The following LRP1B variants were observed in gnomAD, a reference collection of about 807,000 sequenced individuals.
The protein encoded by LRP1B is LDL receptor related protein 1B.
A neutral mutation model predicts 556.6 loss-of-function variants in LRP1B; 217 were observed. The observed-to-expected ratio is 0.39, with a 90% CI of 0.35 to 0.44. The LOEUF is 0.44. Among genes scored for constraint, LRP1B ranks in the 20% least tolerant of loss-of-function variants. LRP1B has a pLI of 1.00. For missense variants in LRP1B, 5,053 were observed against 5,620.8 expected (o/e 0.90, Z 3.23); for synonymous variants, 2,047 against 1,865.8 (o/e 1.10, Z -2.50).
chr2:140,465,150 G>C (rs769145570), intron 60 of LRP1B, among the ~76,000 whole-genome samples: 3 of 152,064 alleles, frequency 2.0e-5, no homozygotes, highest in Non-Finnish European at 4.4e-5. Context: ...GGAAGAAGGG[G>C]GACCAGACAC....
At chr2:140,843,122 G>GT (rs1208970330) in intron 29 of LRP1B, among the ~76,000 whole-genome samples, 1 of 104,010 alleles carries the variant, frequency 9.6e-6, no homozygotes, top group Non-Finnish European at 1.8e-5. Context: ...GTGGTGGGGG[G>GT]TGAGGGGTAA....
In LRP1B at chr2:140,373,090, A is replaced by T. The variant is rs142088127; in HGVS notation, c.10686T>A (p.Asn3562Lys). Residue 3562 changes from asparagine (N) to lysine (K), a missense_variant, in exon 69 of 91, where the codon AAT (asparagine) becomes AAA (lysine). Asn to Lys is a moderately conservative substitution (Grantham distance 94). Coordinates refer to ENST00000389484, the MANE Select transcript of LRP1B (RefSeq NM_018557.3). The part of the protein sequence containing the change: ...SCSKDQFRCS[N>K]GQCIPAKWKC... ...TCCATTTTGCTGGTATACACTGACC[A>T]TTGGAACACCGGAACTGATCTTTGG... 50 of 1,613,198 alleles carry T rather than the reference A, an allele frequency of 3.1e-5. 1 individual carries two copies. The African/African-American group carries it at 5.7e-4, about 19-fold the overall frequency.
intron 43 of LRP1B, among the ~76,000 whole-genome samples, chr2:140,563,121 G>A (rs1680993471): frequency 1.3e-5 from 2 of 151,674 alleles, no homozygotes; most frequent in Non-Finnish European, 2.9e-5. Flanking sequence ...AGAACTCAAA[G>A]TTTCCCATAT....
chr2:142,015,536 C>T (rs1291510569), intron 1 of LRP1B, among the ~76,000 whole-genome samples: 7 of 152,108 alleles, frequency 4.6e-5, no homozygotes, highest in South Asian at 4.1e-4. Context: ...TCTAATTAAA[C>T]GAAAGAGCTT....
At chr2:141,675,486 C>G (rs567637221) in intron 2 of LRP1B, among the ~76,000 whole-genome samples, 1 of 150,580 alleles carries the variant, frequency 6.6e-6, no homozygotes, top group Non-Finnish European at 1.5e-5. Context: ...TTTTAATAAT[C>G]TTGATCACCT....
intron 7 of LRP1B, among the ~76,000 whole-genome samples, chr2:141,131,966 A>C (rs189318863): frequency 4.0e-5 from 6 of 151,872 alleles, no homozygotes; most frequent in African/African-American, 1.5e-4. Flanking sequence ...CCCAATTTGT[A>C]GCCTTTTATC....
At chr2:141,577,309 A>G (rs1686787544) in intron 2 of LRP1B, among the ~76,000 whole-genome samples, 1 of 152,164 alleles carries the variant, frequency 6.6e-6, no homozygotes, top group South Asian at 2.1e-4. Flanking sequence ...TATCACCACA[A>G]TAGGGGTGAC....
Position 142,031,330 on chromosome 2 carries a change from A to ATTTTTTTTTTTTTT in LRP1B, c.82+99304_82+99317dup, listed in dbSNP as rs560363480. Among the ~76,000 whole-genome samples, 301 of 116,914 alleles carry ATTTTTTTTTTTTTT rather than the reference A, an allele frequency of 2.6e-3. 16 individuals are homozygous for ATTTTTTTTTTTTTT. Among genetic ancestry groups the ATTTTTTTTTTTTTT allele is most frequent in the African/African-American group, 7.0e-3 (237 of 33,838 alleles). The allele number at this position is 116,914 out of a possible 152,430, so 76.7% of individuals were successfully genotyped here. On this transcript the variant is annotated intron_variant, in intron 1 of 90. Coordinates refer to ENST00000389484, the MANE Select transcript of LRP1B (RefSeq NM_018557.3). ...ATTTAGAGAAAGGTTGATTATACTT[A>ATTTTTTTTTTTTTT]TTTTTTTTTTTTTTTTTTATTATAC...
intron 3 of LRP1B, among the ~76,000 whole-genome samples, chr2:141,309,845 T>TA (rs1350444251): frequency 1.4e-4 from 21 of 151,974 alleles, no homozygotes. Flanking sequence ...CACTTTTTTT[T>TA]ATAAGAAATT....
At chr2:140,944,483 T>C (rs905424065) in intron 20 of LRP1B, among the ~76,000 whole-genome samples, 1 of 152,076 alleles carries the variant, frequency 6.6e-6, no homozygotes. Flanking sequence ...CAGCATAATA[T>C]TCCTAATGAA....
intron 7 of LRP1B, among the ~76,000 whole-genome samples, chr2:141,119,272 G>A (rs151080279): frequency 6.6e-6 from 1 of 151,898 alleles, no homozygotes; most frequent in East Asian, 1.9e-4. Context: ...AACTGAAAAG[G>A]AATAAGAAAA....
In LRP1B at chr2:142,103,189, CTTAA is replaced by C. The variant is rs760703649; in HGVS notation, c.82+27455_82+27458del. Among the ~76,000 whole-genome samples, 7 of 151,910 alleles carry C rather than the reference CTTAA, an allele frequency of 4.6e-5. No individual in the cohort carries two copies. In the East Asian group the frequency reaches 1.4e-3, roughly 29 times the overall value. On this transcript the variant is annotated intron_variant, in intron 1 of 90. Coordinates refer to ENST00000389484, the MANE Select transcript of LRP1B (RefSeq NM_018557.3). ...GTTATCCACATTATACTTTATCAAC[CTTAA>C]TTTTCATCTAGATTAAAATAATCAT... is the stretch of plus-strand genomic sequence containing the variant.
intron 42 of LRP1B, among the ~76,000 whole-genome samples, chr2:140,600,706 T>C (rs1682619899): frequency 1.3e-5 from 2 of 149,866 alleles, no homozygotes; most frequent in African/African-American, 4.9e-5. Flanking sequence ...ATATTGTATA[T>C]GAGAGTGAAA....
At chr2:141,347,680 CA>C (rs747307449) in intron 3 of LRP1B, among the ~76,000 whole-genome samples, 27 of 151,728 alleles carry the variant, frequency 1.8e-4, no homozygotes, top group Non-Finnish European at 3.1e-4. Context: ...TCAGACAGAT[CA>C]AAAAAAGTAG....
chr2:141,094,175 C>G (rs1350727163), intron 7 of LRP1B, among the ~76,000 whole-genome samples: 2 of 152,114 alleles, frequency 1.3e-5, no homozygotes, highest in African/African-American at 2.4e-5. Flanking sequence ...TACACACATT[C>G]TCATACCTAT....
At chr2:140,277,823 A>G (rs957956828) in intron 84 of LRP1B, among the ~76,000 whole-genome samples, 1 of 152,048 alleles carries the variant, frequency 6.6e-6, no homozygotes, top group South Asian at 2.1e-4. Flanking sequence ...ACGGTTGGCA[A>G]TATCTCCTAA....
intron 11 of LRP1B, among the ~76,000 whole-genome samples, chr2:141,031,557 A>T (rs1358074050): frequency 6.6e-6 from 1 of 152,008 alleles, no homozygotes; most frequent in Non-Finnish European, 1.5e-5. Flanking sequence ...CGACTTGCCA[A>T]AATAATTAAA....
intron 84 of LRP1B, among the ~76,000 whole-genome samples, chr2:140,293,769 C>CA (rs34157741): frequency 5.9e-5 from 9 of 151,954 alleles, no homozygotes; most frequent in South Asian, 2.1e-4. Flanking sequence ...ATTATGCTGC[C>CA]AAAAAAACAG....
intron 1 of LRP1B, among the ~76,000 whole-genome samples, chr2:142,041,543 C>A (rs1319260718): frequency 1.3e-5 from 2 of 151,322 alleles, no homozygotes; most frequent in African/African-American, 4.8e-5. Flanking sequence ...AAAACAACAA[C>A]AAAAAAGCCT....
Sources: allele counts gnomAD v4.1 joint callset (sites outside exome capture counted in the v4.1 genomes callset), GRCh38; gene constraint gnomAD v4.1.1; transcripts MANE v1.5; gene names NCBI Gene and HGNC (gene_info 2026-07-23, HGNC 2026-07-21).